TBC1D22A: variants seen among roughly 807,000 people sequenced by gnomAD.
The protein encoded by TBC1D22A is putative GTPase activator.
A neutral mutation model predicts 60.2 loss-of-function variants in TBC1D22A; 38 were observed. The ratio of observed to expected loss-of-function variants is 0.63; its 90% CI spans 0.49 to 0.83. The LOEUF (loss-of-function observed/expected upper bound fraction) is 0.83. Among genes scored for constraint, TBC1D22A ranks in the 40% least tolerant of loss-of-function variants. The pLI, the probability that TBC1D22A is intolerant of heterozygous loss-of-function variation, is 0.00. For missense variants in TBC1D22A, 628 were observed against 701.0 expected (o/e 0.90, Z 1.18); for synonymous variants, 302 against 281.7 (o/e 1.07, Z -0.72).
chr22:47,166,594 A>G (rs963659382), intron 12 of TBC1D22A, among the ~76,000 whole-genome samples: 1 of 152,350 alleles, frequency 6.6e-6, no homozygotes, highest in Admixed American at 6.5e-5. Context: ...GCTTCTCTGC[A>G]TAGTGCTGGA....
intron 10 of TBC1D22A, among the ~76,000 whole-genome samples, chr22:47,006,161 C>T (rs545075939): frequency 6.6e-6 from 1 of 152,168 alleles, no homozygotes; most frequent in Non-Finnish European, 1.5e-5. Context: ...TGTTGCTGGT[C>T]GCACATTTCC....
intron 11 of TBC1D22A, among the ~76,000 whole-genome samples, chr22:47,108,498 G>A (rs887512711): frequency 2.0e-5 from 3 of 152,216 alleles, no homozygotes; most frequent in Non-Finnish European, 4.4e-5. Context: ...GGAAATGTAA[G>A]CTAATGTATA....
intron 8 of TBC1D22A, among the ~76,000 whole-genome samples, chr22:46,961,937 T>C (rs1021487904): frequency 6.6e-6 from 1 of 152,210 alleles, no homozygotes; most frequent in Non-Finnish European, 1.5e-5. Context: ...ATCCAGATTG[T>C]GTGAGTTGGA....
intron 4 of TBC1D22A, among the ~76,000 whole-genome samples, chr22:46,833,217 G>A (rs1190681228): frequency 1.3e-5 from 2 of 152,244 alleles, no homozygotes; most frequent in African/African-American, 4.8e-5. Flanking sequence ...TTTGTTTGCT[G>A]TGTGTCAATG....
intron 8 of TBC1D22A, among the ~76,000 whole-genome samples, chr22:46,944,485 G>A (rs537559779): frequency 3.9e-5 from 6 of 152,104 alleles, no homozygotes; most frequent in East Asian, 3.9e-4. Flanking sequence ...TGCAATCTCC[G>A]CCTCCCAGGT....
intron 8 of TBC1D22A, among the ~76,000 whole-genome samples, chr22:46,924,165 A>C (rs1478677697): frequency 2.0e-5 from 3 of 152,224 alleles, no homozygotes; most frequent in African/African-American, 7.2e-5. Context: ...CCTCCGTGCT[A>C]TTTAAATGTA....
At chr22:47,061,072 G>A (rs980332354) in intron 11 of TBC1D22A, among the ~76,000 whole-genome samples, 2 of 148,224 alleles carry the variant, frequency 1.3e-5, no homozygotes, top group African/African-American at 5.1e-5. Flanking sequence ...CCCTCACCAC[G>A]GTCCTGGAAA....
At chr22:46,793,454 G>A (rs2084510363) in intron 2 of TBC1D22A, 47 bp from the exon 3 acceptor site, 2 of 1,596,300 alleles carry the variant, frequency 1.3e-6, no homozygotes, top group East Asian at 4.5e-5. Context: ...CTGGTTTTGG[G>A]TGAAGCCTTC....
At chr22:46,912,580 G>C (rs969620972) in intron 8 of TBC1D22A, among the ~76,000 whole-genome samples, 1 of 152,052 alleles carries the variant, frequency 6.6e-6, no homozygotes, top group Non-Finnish European at 1.5e-5. Flanking sequence ...ATTTTGAGAC[G>C]GAGTGTTGCT....
intron 1 of TBC1D22A, chr22:46,774,009 C>T: frequency 1.0e-6 from 1 of 985,568 alleles, no homozygotes; most frequent in Non-Finnish European, 1.2e-6. Flanking sequence ...GAAATTATTA[C>T]AGAGAAAGCT....
intron 9 of TBC1D22A, among the ~76,000 whole-genome samples, chr22:46,984,800 G>A (rs539795408): frequency 2.6e-5 from 4 of 152,354 alleles, no homozygotes; most frequent in South Asian, 4.1e-4. Context: ...TTTAGAGAAA[G>A]GTCAGGAAAC....
At chr22:46,908,503 A>G (rs2069655111) in intron 7 of TBC1D22A, among the ~76,000 whole-genome samples, 1 of 152,174 alleles carries the variant, frequency 6.6e-6, no homozygotes, top group South Asian at 2.1e-4. Flanking sequence ...CTTTATTTAC[A>G]TGTCAGTTGG....
chr22:47,105,531 G>T (rs1420071237), intron 11 of TBC1D22A, among the ~76,000 whole-genome samples: 1 of 152,196 alleles, frequency 6.6e-6, no homozygotes, highest in East Asian at 1.9e-4. Flanking sequence ...GGACTGAACA[G>T]TTGTTTGTGT....
At chr22:47,138,919 C>T (rs1216858938) in intron 12 of TBC1D22A, among the ~76,000 whole-genome samples, 4 of 152,208 alleles carry the variant, frequency 2.6e-5, no homozygotes, top group African/African-American at 4.8e-5. Context: ...CAATCACTTC[C>T]CAAAGACCCC....
intron 4 of TBC1D22A, among the ~76,000 whole-genome samples, chr22:46,857,363 G>A (rs1311627114): frequency 6.6e-6 from 1 of 152,198 alleles, no homozygotes; most frequent in Non-Finnish European, 1.5e-5. Context: ...AAAGCTGCAC[G>A]TCAAAGCCCA....
At chr22:46,883,934 A>G (rs2067979261) in intron 5 of TBC1D22A, among the ~76,000 whole-genome samples, 1 of 152,156 alleles carries the variant, frequency 6.6e-6, no homozygotes, top group African/African-American at 2.4e-5. Context: ...ACTTGTCCCA[A>G]GTGAGCACAC....
rs371007154 is a variant in TBC1D22A, at chr22:47,037,212, C to T, written c.1329+14C>T. On this transcript the variant is annotated intron_variant, in intron 11 of 12. Coordinates refer to ENST00000337137, the MANE Select transcript of TBC1D22A (RefSeq NM_014346.5). ...GACACCTACCAGGTGAGCTCTCCTTCGCACCCTCCGCCATGGGGGTGCCAG... is the reference window on the plus strand; with the variant it reads ...GACACCTACCAGGTGAGCTCTCCTTTGCACCCTCCGCCATGGGGGTGCCAG... 1.8e-4 allele frequency: 286 copies of T among 1,612,186 alleles called. 1 individual carries two copies. Among genetic ancestry groups the T allele is most frequent in the African/African-American group, 1.2e-3 (92 of 75,044 alleles).
chr22:46,833,179 A>G (rs1202291712), intron 4 of TBC1D22A, among the ~76,000 whole-genome samples: 6 of 152,208 alleles, frequency 3.9e-5, no homozygotes, highest in Non-Finnish European at 5.9e-5. Context: ...AATTTTATAT[A>G]TGTGATGACT....
At chr22:46,844,077 A>C (rs990047660) in intron 4 of TBC1D22A, among the ~76,000 whole-genome samples, 1 of 151,034 alleles carries the variant, frequency 6.6e-6, no homozygotes, top group African/African-American at 2.4e-5. Context: ...CTTGGGCTGG[A>C]CTGGCCAGCC....
Sources: allele counts gnomAD v4.1 joint callset (sites outside exome capture counted in the v4.1 genomes callset), GRCh38; gene constraint gnomAD v4.1.1; transcripts MANE v1.5; gene names NCBI Gene and HGNC (gene_info 2026-07-23, HGNC 2026-07-21).